Variants in XPNPEP3 observed in about 807,000 individuals in gnomAD.
XPNPEP3 encodes X-prolyl aminopeptidase 3, also known as xaa-Pro aminopeptidase 3.
A neutral mutation model predicts 60.0 loss-of-function variants in XPNPEP3; 41 were observed. The observed-to-expected ratio is 0.68, with a 90% CI of 0.53 to 0.89. The LOEUF is 0.89. Among genes scored for constraint, XPNPEP3 ranks in the 40% least tolerant of loss-of-function variants. The pLI, the probability that XPNPEP3 is intolerant of heterozygous loss-of-function variation, is 0.00. For missense variants in XPNPEP3, 598 were observed against 638.9 expected (o/e 0.94, Z 0.69); for synonymous variants, 212 against 223.2 (o/e 0.95, Z 0.45).
intron 3 of XPNPEP3, among the ~76,000 whole-genome samples, chr22:40,883,858 A>G (rs1456002488): frequency 6.6e-6 from 1 of 152,276 alleles, no homozygotes; most frequent in East Asian, 1.9e-4. Context: ...TCTTATTTGG[A>G]AAATAAGATA....
intron 1 of XPNPEP3, among the ~76,000 whole-genome samples, chr22:40,864,230 G>T (rs940744422): frequency 2.0e-5 from 3 of 152,172 alleles, no homozygotes; most frequent in Admixed American, 1.3e-4. Flanking sequence ...TCCTGACGTT[G>T]CCATGGCATC....
At chr22:40,909,471 T>TTGGGCTTGGGCC in intron 6 of XPNPEP3, among the ~76,000 whole-genome samples, 1 of 152,074 alleles carries the variant, frequency 6.6e-6, no homozygotes, top group Non-Finnish European at 1.5e-5. Context: ...TTTCAAAAAA[T>TTGGGCTTGGGCC]AAAACAACAT....
rs1267759196 is a variant in XPNPEP3, at chr22:40,924,211, G to T, written c.1237-151G>T. On this transcript the variant is annotated intron_variant, in intron 8 of 9. Transcript: ENST00000357137. The stretch of plus-strand genomic sequence containing the variant: ...CATGTAAGAGGTCGCAGTTTTTCAG[G>T]TGCCTTTAAGTATTAGCCCAAGGAG... The T allele has an allele frequency of 2.9e-6, 3 of 1,051,404 alleles. No homozygotes were observed. In the South Asian group the frequency reaches 3.9e-5, roughly 14 times the overall value. The allele number at this position is 1,051,404 out of a possible 1,614,324, so 65.1% of individuals were successfully genotyped here.
chr22:40,873,874 T>C (rs1259503285), intron 2 of XPNPEP3, among the ~76,000 whole-genome samples: 1 of 152,158 alleles, frequency 6.6e-6, no homozygotes, highest in Admixed American at 6.5e-5. Flanking sequence ...ATATAATATT[T>C]AAAATGATGA....
chr22:40,861,196 C>T (rs1022674301), intron 1 of XPNPEP3: 1 of 1,614,126 alleles, frequency 6.2e-7, no homozygotes, highest in South Asian at 1.1e-5. Flanking sequence ...ATACCTCCCT[C>T]ATCATTGTCC....
At chr22:40,858,387 T>C (rs959732970) in intron 1 of XPNPEP3, among the ~76,000 whole-genome samples, 1 of 151,948 alleles carries the variant, frequency 6.6e-6, no homozygotes, top group Non-Finnish European at 1.5e-5. Flanking sequence ...GCCTGGAATT[T>C]GCTTTTATTT....
At chr22:40,922,654 G>A (rs2058220904) in intron 8 of XPNPEP3, 141 bp downstream of exon 8, 2 of 1,112,250 alleles carry the variant, frequency 1.8e-6, no homozygotes, top group Admixed American at 4.4e-5. Flanking sequence ...AGGAGGCTGA[G>A]GCAGGAGGAT....
chr22:40,860,602 A>C, intron 1 of XPNPEP3: 1 of 1,257,176 alleles, frequency 8.0e-7, no homozygotes, highest in Non-Finnish European at 1.1e-6. Flanking sequence ...TAGGCTATAA[A>C]CTCTACTAAA....
At chr22:40,918,169 C>T (rs2058203489) in intron 7 of XPNPEP3, among the ~76,000 whole-genome samples, 1 of 151,842 alleles carries the variant, frequency 6.6e-6, no homozygotes, top group Non-Finnish European at 1.5e-5. Context: ...GCCAGGAGTT[C>T]AAAACCAGTC....
At chr22:40,892,979 A>G (rs2058093903) in intron 4 of XPNPEP3, among the ~76,000 whole-genome samples, 1 of 151,864 alleles carries the variant, frequency 6.6e-6, no homozygotes, top group South Asian at 2.1e-4. Flanking sequence ...CTGTCATCAT[A>G]TTCTGGTAAC....
chr22:40,906,090 CTGTTTGTTTGTTTGTT>C (rs34451692), intron 4 of XPNPEP3, among the ~76,000 whole-genome samples: 3 of 151,696 alleles, frequency 2.0e-5, no homozygotes, highest in Admixed American at 6.6e-5. Context: ...CGCACCCAGC[CTGTTTGTTTGTTTGTT>C]TGTTTGTTTG....
At chr22:40,861,872 T>C (rs2057950978) in intron 1 of XPNPEP3, 3 of 1,613,754 alleles carry the variant, frequency 1.9e-6, no homozygotes, top group Non-Finnish European at 2.5e-6. Flanking sequence ...TTCTCTCTGC[T>C]TCTTCTTTAT....
At chr22:40,865,022 G>A (rs2057971167) in intron 1 of XPNPEP3, among the ~76,000 whole-genome samples, 4 of 152,196 alleles carry the variant, frequency 2.6e-5, no homozygotes, top group Admixed American at 2.6e-4. Context: ...TCAGTGGAGT[G>A]TAAAGTTATA....
intron 1 of XPNPEP3, among the ~76,000 whole-genome samples, chr22:40,866,507 T>G (rs2057979471): frequency 6.6e-6 from 1 of 152,186 alleles, no homozygotes; most frequent in Non-Finnish European, 1.5e-5. Flanking sequence ...CTATATTTTT[T>G]AATGCAAATG....
At chr22:40,917,430 G>A (rs1464919247) in intron 7 of XPNPEP3, 1 of 151,864 alleles carries the variant, frequency 6.6e-6, no homozygotes, top group Non-Finnish European at 1.5e-5. Context: ...ACAAGGAATA[G>A]GGAGTGACTG....
intron 7 of XPNPEP3, among the ~76,000 whole-genome samples, chr22:40,914,741 A>T (rs114058227): frequency 4.0e-5 from 6 of 151,848 alleles, no homozygotes; most frequent in South Asian, 2.1e-4. Context: ...GACATTTTTT[A>T]AAAAATAAAG....
chr22:40,891,179 CAA>C (rs989825018), intron 4 of XPNPEP3, among the ~76,000 whole-genome samples: 19 of 43,932 alleles, frequency 4.3e-4, no homozygotes, highest in Admixed American at 8.6e-4. Flanking sequence ...CCCATTTCTA[CAA>C]AAAAAAAAAA....
chr22:40,927,476 A>G lies in XPNPEP3; in HGVS notation c.*1041A>G, dbSNP rs1440141949. 1 of 151,848 alleles carries G rather than the reference A, an allele frequency of 6.6e-6. No homozygotes were observed. The highest frequency in any genetic ancestry group is 1.5e-5 in the Non-Finnish European group (1 of 67,956). The allele number at this position is 151,848 out of a possible 1,614,324, so 9.4% of individuals were successfully genotyped here. On this transcript the variant is annotated 3_prime_UTR_variant, in exon 10 of 10. Transcript: ENST00000357137. ...GTGACTGAGCAAGACTCTGCCTCAA[A>G]AAAACAAATAAATAAATAAAATCCT...
chr22:40,867,554 G>A (rs1465291075), intron 1 of XPNPEP3, among the ~76,000 whole-genome samples: 6 of 151,902 alleles, frequency 3.9e-5, no homozygotes, highest in Admixed American at 2.6e-4. Flanking sequence ...AAAGAAATTG[G>A]TGTGGGTTTC....
Sources: gnomAD v4.1 joint callset for allele counts (sites outside exome capture counted in the v4.1 genomes callset) on GRCh38, gnomAD v4.1.1 for gene constraint, MANE v1.5 for transcripts, NCBI Gene and HGNC (gene_info 2026-07-23, HGNC 2026-07-21) for gene names.